Variants in CFAP299 observed in about 807,000 individuals in gnomAD.
The protein encoded by CFAP299 is cilia- and flagella-associated protein 299.
Under a neutral mutation model 27.0 loss-of-function variants are expected in CFAP299, and 21 were observed. The ratio of observed to expected loss-of-function variants is 0.78; its 90% CI spans 0.55 to 1.12. CFAP299 has a LOEUF of 1.12. Among genes scored for constraint, CFAP299 ranks in the 50% most tolerant of loss-of-function variants. The pLI is 0.00. For synonymous variants in CFAP299, 104 were observed against 98.1 expected (o/e 1.06, Z -0.36); for missense variants, 310 against 276.6 (o/e 1.12, Z -0.86).
intron 3 of CFAP299, among the ~76,000 whole-genome samples, chr4:80,684,053 T>A (rs1360630453): frequency 6.6e-6 from 1 of 152,186 alleles, no homozygotes; most frequent in Non-Finnish European, 1.5e-5. Flanking sequence ...TTCTGTTGAC[T>A]CCAGTATAGT....
chr4:80,723,742 C>A (rs1439614333), intron 3 of CFAP299, among the ~76,000 whole-genome samples: 1 of 151,376 alleles, frequency 6.6e-6, no homozygotes, highest in East Asian at 1.9e-4. Context: ...ATTATACCTG[C>A]TAAATTATAA....
rs370215733 is a variant in CFAP299, at chr4:80,831,744, C to T, written c.334-38249C>T. Among the ~76,000 whole-genome samples, 9 of 152,216 alleles carry T rather than the reference C, an allele frequency of 5.9e-5. No individual in the cohort carries two copies. The South Asian group carries it at 1.9e-3, about 32-fold the overall frequency. On this transcript the variant is annotated intron_variant, in intron 3 of 5. Transcript: ENST00000358105. ...TAGTGAAATCTATACCATTCATATTCCAAATGTATACAACTGATACTACCC... is the reference window on the plus strand; with the variant it reads ...TAGTGAAATCTATACCATTCATATTTCAAATGTATACAACTGATACTACCC...
At chr4:80,442,626 A>G (rs1372716167) in intron 2 of CFAP299, among the ~76,000 whole-genome samples, 1 of 152,202 alleles carries the variant, frequency 6.6e-6, no homozygotes, top group African/African-American at 2.4e-5. Context: ...TCACAATTAA[A>G]AGTCAACTAG....
intron 3 of CFAP299, among the ~76,000 whole-genome samples, chr4:80,800,625 T>A (rs1178284909): frequency 3.0e-5 from 3 of 98,382 alleles, no homozygotes; most frequent in African/African-American, 1.3e-4. Flanking sequence ...ATATAATATA[T>A]TAATATAAAT....
chr4:80,891,789 T>TAAATA (rs1734302429), intron 4 of CFAP299, among the ~76,000 whole-genome samples: 4 of 35,072 alleles, frequency 1.1e-4, no homozygotes, highest in East Asian at 8.6e-4. Flanking sequence ...AAAAAAAAAA[T>TAAATA]AAAAAAAAAA....
intron 3 of CFAP299, among the ~76,000 whole-genome samples, chr4:80,605,643 T>C (rs555540303): frequency 6.6e-6 from 1 of 152,332 alleles, no homozygotes; most frequent in African/African-American, 2.4e-5. Context: ...GGCATGCACT[T>C]GTTTTTATAA....
intron 3 of CFAP299, among the ~76,000 whole-genome samples, chr4:80,741,052 T>C (rs1358963989): frequency 5.9e-5 from 9 of 152,140 alleles, no homozygotes; most frequent in Admixed American, 5.9e-4. Context: ...GCCTGGGTGA[T>C]ATCCAAGGTG....
chr4:80,839,816 T>C (rs1229800862), intron 3 of CFAP299, among the ~76,000 whole-genome samples: 2 of 152,068 alleles, frequency 1.3e-5, no homozygotes. Context: ...AAGCCCCTGA[T>C]TGGCTTTACA....
chr4:80,869,807 G>A (rs1484405803), intron 3 of CFAP299, among the ~76,000 whole-genome samples, 186 bp from the exon 4 acceptor site: 2 of 152,124 alleles, frequency 1.3e-5, no homozygotes, highest in East Asian at 3.9e-4. Flanking sequence ...CCACGTGCTG[G>A]GCGAGTAACA....
chr4:80,614,081 A>C (rs1266834194), intron 3 of CFAP299, among the ~76,000 whole-genome samples: 1 of 152,166 alleles, frequency 6.6e-6, no homozygotes, highest in African/African-American at 2.4e-5. Flanking sequence ...TTGTCTGTTA[A>C]GGACACTTCC....
intron 5 of CFAP299, among the ~76,000 whole-genome samples, chr4:80,955,349 T>A (rs1406057129): frequency 6.6e-6 from 1 of 152,206 alleles, no homozygotes; most frequent in African/African-American, 2.4e-5. Flanking sequence ...TGTCTTCTCA[T>A]CTGTAAAAAT....
At chr4:80,623,583 A>C (rs1444876747) in intron 3 of CFAP299, among the ~76,000 whole-genome samples, 1 of 152,206 alleles carries the variant, frequency 6.6e-6, no homozygotes, top group Non-Finnish European at 1.5e-5. Flanking sequence ...CACAATGCTA[A>C]GAAAAGAGAT....
intron 3 of CFAP299, among the ~76,000 whole-genome samples, chr4:80,862,336 C>G (rs181613155): frequency 6.6e-6 from 1 of 152,020 alleles, no homozygotes; most frequent in Non-Finnish European, 1.5e-5. Context: ...TGCCACTGCA[C>G]TCCAGTCTGG....
chr4:80,959,788 A>G (rs1409672449), intron 5 of CFAP299, among the ~76,000 whole-genome samples: 3 of 152,004 alleles, frequency 2.0e-5, no homozygotes, highest in African/African-American at 7.2e-5. Flanking sequence ...TAATTTTTCT[A>G]TACTTAAGAT....
rs145887893 is a variant in CFAP299, at chr4:80,452,252, G to A, written c.242+89368G>A. On this transcript the variant is annotated intron_variant, in intron 2 of 5. Transcript: ENST00000358105. ...CATGTAGGCTTTGCCTGACTCTCTC[G>A]GTGTCTTTCAATCCATTACATCATT... Among the ~76,000 whole-genome samples the A allele has an allele frequency of 2.8e-4, 43 of 151,998 alleles. No homozygotes were observed. The South Asian group carries it at 4.8e-3, about 17-fold the overall frequency.
intron 2 of CFAP299, among the ~76,000 whole-genome samples, chr4:80,538,800 G>A (rs1277804412): frequency 1.3e-5 from 2 of 152,124 alleles, no homozygotes; most frequent in South Asian, 2.1e-4. Flanking sequence ...GCCTAACTCT[G>A]CGTTTCTCAG....
chr4:80,800,767 G>GTA (rs1196148598), intron 3 of CFAP299, among the ~76,000 whole-genome samples: 2 of 63,790 alleles, frequency 3.1e-5, no homozygotes, highest in African/African-American at 1.2e-4. Context: ...GTGTGTGTGT[G>GTA]TATATATATA....
At chr4:80,328,156 G>A in the CFAP299 span, among the ~76,000 whole-genome samples, 1 of 152,104 alleles carries the variant, frequency 6.6e-6, no homozygotes, top group East Asian at 1.9e-4. Flanking sequence ...AATGAGGAAG[G>A]GGTGATGATA....
At chr4:80,877,958 T>TA (rs1733505220) in intron 4 of CFAP299, among the ~76,000 whole-genome samples, 1 of 152,128 alleles carries the variant, frequency 6.6e-6, no homozygotes, top group South Asian at 2.1e-4. Flanking sequence ...GATTTCACCT[T>TA]AAAATATTTC....
Sources: gnomAD v4.1 joint callset for allele counts (sites outside exome capture counted in the v4.1 genomes callset) on GRCh38, gnomAD v4.1.1 for gene constraint, MANE v1.5 for transcripts, NCBI Gene and HGNC (gene_info 2026-07-23, HGNC 2026-07-21) for gene names.